CPQ: variants seen among roughly 807,000 people sequenced by gnomAD.
CPQ encodes carboxypeptidase Q, also known as Ser-Met dipeptidase.
CPQ carries 37 observed loss-of-function variants against 45.7 expected under a neutral mutation model. The ratio of observed to expected loss-of-function variants is 0.81; its 90% CI spans 0.62 to 1.07. CPQ has a LOEUF of 1.07. CPQ is among the 50% of genes least tolerant of loss of function. The pLI, the probability that CPQ is intolerant of heterozygous loss-of-function variation, is 0.00. For synonymous variants in CPQ, 186 were observed against 205.8 expected, an observed-to-expected ratio of 0.90 and a Z score of 0.82; for missense variants, 537 against 572.9, an observed-to-expected ratio of 0.94 and a Z score of 0.64.
At chr8:97,056,163 G>A (rs909282599) in intron 6 of CPQ, among the ~76,000 whole-genome samples, 1 of 152,140 alleles carries the variant, frequency 6.6e-6, no homozygotes, top group Middle Eastern at 3.4e-3. Flanking sequence ...TGACTTTGTG[G>A]TAATTTGTGA....
intron 1 of CPQ, among the ~76,000 whole-genome samples, chr8:96,758,423 G>A (rs1810354157): frequency 6.6e-6 from 1 of 152,214 alleles, no homozygotes; most frequent in African/African-American, 2.4e-5. Context: ...AATATGTGAT[G>A]TATGGTCTAA....
intron 5 of CPQ, among the ~76,000 whole-genome samples, chr8:97,011,304 T>G (rs964469981): frequency 6.6e-6 from 1 of 152,184 alleles, no homozygotes; most frequent in Non-Finnish European, 1.5e-5. Context: ...CAAACACATA[T>G]ATGCAATCTA....
chr8:96,678,219 T>G (rs899029774), intron 1 of CPQ, among the ~76,000 whole-genome samples: 1 of 152,142 alleles, frequency 6.6e-6, no homozygotes, highest in Admixed American at 6.5e-5. Flanking sequence ...ATGATGATGG[T>G]ATTTTGATGG....
intron 6 of CPQ, among the ~76,000 whole-genome samples, chr8:97,041,076 G>A (rs1423950774): frequency 6.6e-6 from 1 of 152,216 alleles, no homozygotes; most frequent in Non-Finnish European, 1.5e-5. Flanking sequence ...GCCTTGGGCA[G>A]TATGGACATT....
At chr8:96,786,162 A>G (rs1810766329) in intron 2 of CPQ, among the ~76,000 whole-genome samples, 1 of 152,132 alleles carries the variant, frequency 6.6e-6, no homozygotes, top group South Asian at 2.1e-4. Context: ...CTCTGTGACT[A>G]TTAGCTGTCA....
intron 6 of CPQ, among the ~76,000 whole-genome samples, chr8:97,057,854 G>A (rs1022878077): frequency 1.3e-5 from 2 of 152,080 alleles, no homozygotes; most frequent in African/African-American, 4.8e-5. Context: ...AATTAGGGAG[G>A]GGTATGGACG....
At chr8:96,686,720 T>C (rs1054826447) in intron 1 of CPQ, among the ~76,000 whole-genome samples, 3 of 151,420 alleles carry the variant, frequency 2.0e-5, no homozygotes, top group Non-Finnish European at 4.4e-5. Flanking sequence ...AAGATTTTCT[T>C]TTTTTTTCCT....
chr8:96,893,368 A>C (rs2130890995), intron 4 of CPQ, among the ~76,000 whole-genome samples: 1 of 152,350 alleles, frequency 6.6e-6, no homozygotes, highest in South Asian at 2.1e-4. Context: ...TTCTGGGATG[A>C]GAATAAAGAA....
At chr8:97,002,285 ATTTC>A (rs1809298132) in intron 5 of CPQ, among the ~76,000 whole-genome samples, 1 of 151,746 alleles carries the variant, frequency 6.6e-6, no homozygotes, top group African/African-American at 2.4e-5. Flanking sequence ...GATTTTGGTT[ATTTC>A]TTGTCTTCTG....
chr8:96,921,744 AT>A (rs1292191967), intron 4 of CPQ, among the ~76,000 whole-genome samples: 2 of 152,184 alleles, frequency 1.3e-5, no homozygotes, highest in South Asian at 4.1e-4. Flanking sequence ...AGTGTTCTTC[AT>A]TCTCTGAAAA....
intron 5 of CPQ, among the ~76,000 whole-genome samples, chr8:97,011,629 T>C (rs1284699902): frequency 6.6e-6 from 1 of 152,246 alleles, no homozygotes; most frequent in Non-Finnish European, 1.5e-5. Context: ...TGTATAATAC[T>C]GGTCAAGTGA....
intron 1 of CPQ, among the ~76,000 whole-genome samples, chr8:96,736,456 A>G (rs1362034133): frequency 1.3e-5 from 2 of 152,192 alleles, no homozygotes; most frequent in Non-Finnish European, 2.9e-5. Context: ...AAACCCCAAG[A>G]ACCAAAAGTT....
intron 6 of CPQ, among the ~76,000 whole-genome samples, chr8:97,038,818 G>A (rs1374657127): frequency 1.6e-5 from 1 of 62,702 alleles, no homozygotes; most frequent in South Asian, 5.3e-4. Context: ...CAAAAAAACC[G>A]TATTTACAAA....
chr8:96,981,823 C>G (rs1813903612), intron 5 of CPQ, among the ~76,000 whole-genome samples: 1 of 152,008 alleles, frequency 6.6e-6, no homozygotes, highest in Non-Finnish European at 1.5e-5. Flanking sequence ...CAATATTTAC[C>G]TCCTATGTGA....
intron 5 of CPQ, among the ~76,000 whole-genome samples, chr8:97,001,516 C>T (rs563383823): frequency 2.0e-5 from 3 of 151,986 alleles, no homozygotes; most frequent in East Asian, 1.9e-4. Flanking sequence ...CGGTTTTTGA[C>T]GTTAGCTCTG....
intron 1 of CPQ, among the ~76,000 whole-genome samples, chr8:96,746,224 A>G (rs1257568920): frequency 6.6e-6 from 1 of 152,218 alleles, no homozygotes; most frequent in Non-Finnish European, 1.5e-5. Flanking sequence ...TTTAATTTGA[A>G]ATACTGGAGC....
chr8:96,789,886 T>G (rs1810824531), intron 2 of CPQ, among the ~76,000 whole-genome samples: 1 of 152,114 alleles, frequency 6.6e-6, no homozygotes, highest in Non-Finnish European at 1.5e-5. Flanking sequence ...GTCTGACCCA[T>G]GTGTTGTTTT....
chr8:96,794,097 C>G (rs908379597), intron 2 of CPQ, among the ~76,000 whole-genome samples: 2 of 152,184 alleles, frequency 1.3e-5, no homozygotes, highest in Non-Finnish European at 2.9e-5. Context: ...AGCTCCACTA[C>G]GTGGTGCCAC....
chr8:96,849,459 T>C (rs1045866605), intron 3 of CPQ, among the ~76,000 whole-genome samples: 1 of 152,192 alleles, frequency 6.6e-6, no homozygotes, highest in Non-Finnish European at 1.5e-5. Flanking sequence ...ACACTAGTAG[T>C]CCCGGGACAC....
Sources: allele counts gnomAD v4.1 joint callset (sites outside exome capture counted in the v4.1 genomes callset), GRCh38; gene constraint gnomAD v4.1.1; transcripts MANE v1.5; gene names NCBI Gene and HGNC (gene_info 2026-07-23, HGNC 2026-07-21).